Variants in GUCY1A2 observed in about 807,000 individuals in gnomAD.
GUCY1A2 encodes guanylate cyclase soluble subunit alpha-2.
In GUCY1A2, 27 loss-of-function variants were observed where a neutral mutation model predicts 63.5. The ratio of observed to expected loss-of-function variants is 0.43; its 90% CI spans 0.31 to 0.59. The LOEUF (loss-of-function observed/expected upper bound fraction) is 0.59, where lower values mean the gene tolerates loss of function less well. GUCY1A2 is among the 20% of genes least tolerant of loss of function. GUCY1A2 has a pLI of 0.11. For missense variants in GUCY1A2, 768 were observed against 913.3 expected (o/e 0.84, Z 2.05); for synonymous variants, 364 against 343.5 (o/e 1.06, Z -0.66).
intron 5 of GUCY1A2, among the ~76,000 whole-genome samples, chr11:106,799,220 C>T (rs971730356): frequency 1.3e-5 from 2 of 152,232 alleles, no homozygotes; most frequent in Non-Finnish European, 2.9e-5. Flanking sequence ...AGGAGAACTA[C>T]AAACCACTGC....
At chr11:107,017,599 G>GC (rs113051055) in intron 1 of GUCY1A2, among the ~76,000 whole-genome samples, 154 bp downstream of exon 1, 11,683 of 152,244 alleles carry the variant, frequency 0.077, 1,017 homozygotes, top group African/African-American at 0.22. Flanking sequence ...ATCCTCTGTC[G>GC]CCGGAGCCAC....
At chr11:106,851,828 A>G (rs1183621828) in intron 4 of GUCY1A2, among the ~76,000 whole-genome samples, 3 of 151,858 alleles carry the variant, frequency 2.0e-5, no homozygotes, top group Non-Finnish European at 2.9e-5. Flanking sequence ...TTCTTTCGCA[A>G]TTAGGGTCTT....
At chr11:106,977,182 T>C (rs962280840) in intron 3 of GUCY1A2, among the ~76,000 whole-genome samples, 1 of 152,158 alleles carries the variant, frequency 6.6e-6, no homozygotes, top group Non-Finnish European at 1.5e-5. Context: ...TTCTGATACA[T>C]CCCTTTTAGT....
intron 4 of GUCY1A2, among the ~76,000 whole-genome samples, chr11:106,929,039 A>G (rs890665868): frequency 9.9e-5 from 15 of 152,238 alleles, no homozygotes; most frequent in Non-Finnish European, 2.1e-4. Context: ...CTAATAAGTG[A>G]TCATAATCTT....
chr11:106,983,810 G>T (rs907841299), intron 2 of GUCY1A2, among the ~76,000 whole-genome samples: 1 of 152,086 alleles, frequency 6.6e-6, no homozygotes, highest in African/African-American at 2.4e-5. Context: ...CTAAAATTAT[G>T]CTTGTCGGCA....
intron 5 of GUCY1A2, among the ~76,000 whole-genome samples, chr11:106,778,706 TCA>T (rs1864406029): frequency 6.6e-6 from 1 of 152,160 alleles, no homozygotes; most frequent in African/African-American, 2.4e-5. Flanking sequence ...ATCTCTGTAT[TCA>T]CAGAGCTTAG....
intron 4 of GUCY1A2, among the ~76,000 whole-genome samples, chr11:106,897,400 A>G (rs932423918): frequency 1.3e-5 from 2 of 152,140 alleles, no homozygotes; most frequent in African/African-American, 4.8e-5. Context: ...CACGATATTG[A>G]AGGAGAAAAA....
At chr11:106,712,750 A>C (rs1349600452) in intron 6 of GUCY1A2, among the ~76,000 whole-genome samples, 1 of 152,122 alleles carries the variant, frequency 6.6e-6, no homozygotes. Context: ...TAAGGCAAGA[A>C]CCTTGAGTAC....
intron 6 of GUCY1A2, among the ~76,000 whole-genome samples, chr11:106,730,059 AATATAT>A (rs60486225): frequency 0.19 from 19,791 of 103,156 alleles, 2,013 homozygotes; most frequent in East Asian, 0.24. Context: ...ATCAGCATGG[AATATAT>A]ATATATATAT....
intron 6 of GUCY1A2, among the ~76,000 whole-genome samples, chr11:106,762,646 A>G (rs763381103): frequency 3.9e-5 from 6 of 152,094 alleles, no homozygotes; most frequent in Non-Finnish European, 8.8e-5. Flanking sequence ...CTACATATAA[A>G]TTGATTCTAA....
At chr11:106,842,042 TAAA>T (rs1565307018) in intron 4 of GUCY1A2, among the ~76,000 whole-genome samples, 1 of 151,864 alleles carries the variant, frequency 6.6e-6, no homozygotes, top group African/African-American at 2.4e-5. Context: ...TGGCCAATGG[TAAA>T]CGATGGCAGG....
intron 3 of GUCY1A2, among the ~76,000 whole-genome samples, chr11:106,940,900 C>T (rs746630599): frequency 3.9e-5 from 6 of 152,148 alleles, no homozygotes; most frequent in African/African-American, 7.2e-5. Flanking sequence ...GTCCATATTA[C>T]ATCCATATTA....
chr11:106,896,352 A>C (rs1565323880), intron 4 of GUCY1A2, among the ~76,000 whole-genome samples: 3 of 152,178 alleles, frequency 2.0e-5, no homozygotes, highest in Non-Finnish European at 4.4e-5. Flanking sequence ...CTCTACAGCT[A>C]ACATTATTCT....
chr11:106,984,312 C>T (rs1861374358), intron 2 of GUCY1A2, among the ~76,000 whole-genome samples: 1 of 152,164 alleles, frequency 6.6e-6, no homozygotes, highest in South Asian at 2.1e-4. Context: ...TTTCTTTATA[C>T]TGTGTATGCA....
At chr11:106,936,838 AT>A (rs11303083) in intron 4 of GUCY1A2, 6,567 of 541,386 alleles carry the variant, frequency 0.012, 336 homozygotes, top group African/African-American at 0.11. Flanking sequence ...TTAAAATAGC[AT>A]TTTCTTATAA....
chr11:106,708,057 C>G (rs1340454983), intron 7 of GUCY1A2, among the ~76,000 whole-genome samples: 5 of 151,754 alleles, frequency 3.3e-5, no homozygotes. Flanking sequence ...CTTGTGGTCC[C>G]AAGCATTTTG....
chr11:106,845,458 C>T (rs1242140513), intron 4 of GUCY1A2, among the ~76,000 whole-genome samples: 7 of 151,406 alleles, frequency 4.6e-5, no homozygotes, highest in Non-Finnish European at 7.4e-5. Context: ...AAACATGTTA[C>T]GTGGATTGTC....
intron 4 of GUCY1A2, among the ~76,000 whole-genome samples, chr11:106,938,794 A>G (rs910310549): frequency 2.0e-5 from 3 of 152,334 alleles, no homozygotes; most frequent in African/African-American, 7.2e-5. Context: ...CTTTTCATCA[A>G]TTATTTATAA....
intron 4 of GUCY1A2, among the ~76,000 whole-genome samples, chr11:106,924,024 A>T (rs1464884637): frequency 6.6e-6 from 1 of 152,208 alleles, no homozygotes. Flanking sequence ...TACATAAAGC[A>T]ATCAAGATGA....
Sources: gnomAD v4.1 joint callset for allele counts (sites outside exome capture counted in the v4.1 genomes callset) on GRCh38, gnomAD v4.1.1 for gene constraint, MANE v1.5 for transcripts, NCBI Gene and HGNC (gene_info 2026-07-23, HGNC 2026-07-21) for gene names.